DLG2: variants seen among roughly 807,000 people sequenced by gnomAD.
DLG2 encodes discs large MAGUK scaffold protein 2, also known as disks large homolog 2.
Under a neutral mutation model 132.5 loss-of-function variants are expected in DLG2, and 45 were observed. The observed-to-expected ratio is 0.34, with a 90% confidence interval of 0.27 to 0.44. The LOEUF (loss-of-function observed/expected upper bound fraction) is 0.44, where lower values mean the gene tolerates loss of function less well. Ranked by LOEUF, DLG2 falls within the 20% of genes least tolerant of loss-of-function variation. DLG2 has a pLI of 1.00. For synonymous variants in DLG2, 424 were observed against 419.6 expected, an observed-to-expected ratio of 1.01 and a Z score of -0.13; for missense variants, 1,045 against 1,196.9, an observed-to-expected ratio of 0.87 and a Z score of 1.87.
In DLG2 at chr11:84,502,374, CTT is replaced by C. The variant is rs1475339057; in HGVS notation, c.519+32194_519+32195del. Among the ~76,000 whole-genome samples, 171 of 83,980 alleles carry C rather than the reference CTT, an allele frequency of 2.0e-3. 9 individuals carry two copies. Among genetic ancestry groups the C allele is most frequent in the Non-Finnish European group, 2.7e-3 (122 of 45,210 alleles). The allele number at this position is 83,980 out of a possible 152,430, so 55.1% of individuals were successfully genotyped here. On this transcript the variant is annotated intron_variant, in intron 7 of 27. Coordinates refer to ENST00000376104, the MANE Select transcript of DLG2 (RefSeq NM_001142699.3). Reference sequence around the variant, plus strand: ...TCTTTCTTTCTTTCTTTCTTTCTTTCTTTCTTTCTTTCTTTCTTTCTTTCTTT... The same window carrying C: ...TCTTTCTTTCTTTCTTTCTTTCTTTCTCTTTCTTTCTTTCTTTCTTTCTTT...
intron 19 of DLG2, among the ~76,000 whole-genome samples, chr11:83,599,717 G>C (rs984847954): frequency 2.0e-5 from 3 of 152,090 alleles, no homozygotes; most frequent in Admixed American, 2.0e-4. Flanking sequence ...CCAACCACAG[G>C]GCAGGCACTC....
chr11:85,267,614 G>A (rs1331281286), intron 4 of DLG2, among the ~76,000 whole-genome samples: 1 of 151,964 alleles, frequency 6.6e-6, no homozygotes, highest in Non-Finnish European at 1.5e-5. Flanking sequence ...ACAAACACCT[G>A]TCTATCTGAA....
chr11:84,898,659 C>T (rs570588100), intron 6 of DLG2, among the ~76,000 whole-genome samples: 1 of 151,888 alleles, frequency 6.6e-6, no homozygotes, highest in East Asian at 1.9e-4. Flanking sequence ...GCTTCCATTC[C>T]CAAGTATACC....
At chr11:84,292,660 A>G (rs2098020004) in intron 7 of DLG2, among the ~76,000 whole-genome samples, 4 of 152,162 alleles carry the variant, frequency 2.6e-5, no homozygotes, top group Non-Finnish European at 5.9e-5. Flanking sequence ...TTAACATAAA[A>G]AAGACTCTAT....
chr11:85,253,895 T>C (rs542266976), intron 4 of DLG2, among the ~76,000 whole-genome samples: 13 of 152,260 alleles, frequency 8.5e-5, no homozygotes, highest in Non-Finnish European at 1.8e-4. Flanking sequence ...TGGACTCCTC[T>C]CTGAATCTAC....
At chr11:85,111,386 A>G (rs982445216) in intron 6 of DLG2, among the ~76,000 whole-genome samples, 1 of 152,126 alleles carries the variant, frequency 6.6e-6, no homozygotes, top group East Asian at 1.9e-4. Flanking sequence ...ATGTGCAAAT[A>G]TATTCGTTTT....
chr11:83,819,051 T>C (rs1385181359), intron 17 of DLG2, among the ~76,000 whole-genome samples: 1 of 152,060 alleles, frequency 6.6e-6, no homozygotes, highest in African/African-American at 2.4e-5. Flanking sequence ...AACAGTGTGA[T>C]TTTTTCTGAT....
chr11:84,235,156 A>G (rs746866760), intron 8 of DLG2, among the ~76,000 whole-genome samples: 1 of 152,202 alleles, frequency 6.6e-6, no homozygotes, highest in Non-Finnish European at 1.5e-5. Flanking sequence ...CTACCAACTG[A>G]AAGCCCACCC....
chr11:84,388,034 C>T (rs2098777894), intron 7 of DLG2, among the ~76,000 whole-genome samples: 1 of 152,158 alleles, frequency 6.6e-6, no homozygotes, highest in Non-Finnish European at 1.5e-5. Context: ...TTAATGCTCC[C>T]CCTTTTCTAT....
At chr11:84,396,642 C>T (rs987723198) in intron 7 of DLG2, among the ~76,000 whole-genome samples, 11 of 152,196 alleles carry the variant, frequency 7.2e-5, no homozygotes, top group Non-Finnish European at 1.5e-4. Context: ...CTTCACTAAG[C>T]TCTCCTGCCT....
At chr11:83,552,042 G>C (rs2096403599) in intron 19 of DLG2, among the ~76,000 whole-genome samples, 1 of 152,028 alleles carries the variant, frequency 6.6e-6, no homozygotes. Context: ...TAGGAGCTTG[G>C]GATCTATCAG....
At chr11:85,036,151 T>C (rs2061419537) in intron 6 of DLG2, among the ~76,000 whole-genome samples, 1 of 152,224 alleles carries the variant, frequency 6.6e-6, no homozygotes, top group South Asian at 2.1e-4. Context: ...GGAATTTTCT[T>C]TTCCCTGATA....
chr11:84,590,664 A>T (rs11821834), intron 6 of DLG2, among the ~76,000 whole-genome samples: 1 of 152,174 alleles, frequency 6.6e-6, no homozygotes, highest in South Asian at 2.1e-4. Flanking sequence ...ATAGTCTAAC[A>T]TATGAAGGTG....
intron 7 of DLG2, among the ~76,000 whole-genome samples, chr11:84,527,468 T>C (rs1203104256): frequency 6.6e-6 from 1 of 152,202 alleles, no homozygotes; most frequent in Non-Finnish European, 1.5e-5. Context: ...ATGTCTTCTA[T>C]ATATACTCAA....
intron 6 of DLG2, among the ~76,000 whole-genome samples, chr11:84,756,112 A>G (rs1412964494): frequency 6.6e-6 from 1 of 152,218 alleles, no homozygotes; most frequent in African/African-American, 2.4e-5. Flanking sequence ...AATCATAAAA[A>G]AAATTTAAAA....
At chr11:83,538,178 CATA>C (rs1404393060) in intron 20 of DLG2, among the ~76,000 whole-genome samples, 2 of 152,170 alleles carry the variant, frequency 1.3e-5, no homozygotes, top group Non-Finnish European at 2.9e-5. Context: ...TAACGCTGCC[CATA>C]ATGTCACTTC....
intron 6 of DLG2, among the ~76,000 whole-genome samples, chr11:84,557,548 C>T (rs1483663299): frequency 1.3e-5 from 2 of 151,798 alleles, no homozygotes; most frequent in African/African-American, 4.8e-5. Context: ...CATATTGTGG[C>T]TATTTTTCTA....
chr11:85,608,542 A>T (rs1173213530), intron 2 of DLG2, among the ~76,000 whole-genome samples: 1 of 152,138 alleles, frequency 6.6e-6, no homozygotes, highest in African/African-American at 2.4e-5. Context: ...AGGATCTTTC[A>T]GCTTACCCTC....
intron 18 of DLG2, among the ~76,000 whole-genome samples, chr11:83,641,110 A>G (rs2066379420): frequency 6.6e-6 from 1 of 152,302 alleles, no homozygotes; most frequent in Admixed American, 6.5e-5. Context: ...AAGCACCATC[A>G]ATGAATAAAA....
Sources: gnomAD v4.1 joint callset for allele counts (sites outside exome capture counted in the v4.1 genomes callset) on GRCh38, gnomAD v4.1.1 for gene constraint, MANE v1.5 for transcripts, NCBI Gene and HGNC (gene_info 2026-07-23, HGNC 2026-07-21) for gene names.